The following TNK2 variants were observed in gnomAD, a reference collection of about 807,000 sequenced individuals.
TNK2 encodes activated CDC42 kinase 1.
Under a neutral mutation model 101.8 loss-of-function variants are expected in TNK2, and 83 were observed. The ratio of observed to expected loss-of-function variants is 0.82; its 90% confidence interval spans 0.68 to 0.98. TNK2 has a LOEUF of 0.98. TNK2 is among the 50% of genes least tolerant of loss of function. The probability of loss-of-function intolerance (pLI) is 0.00; values close to 1 mark genes in which losing one functional copy is unlikely to be tolerated. For missense variants in TNK2, 1,665 were observed against 1,483.2 expected, an observed-to-expected ratio of 1.12 and a Z score of -2.01; for synonymous variants, 804 against 633.0, an observed-to-expected ratio of 1.27 and a Z score of -4.06.
chr3:195,887,692 GAAGAT>G (rs532424455), intron 2 of TNK2, among the ~76,000 whole-genome samples: 69 of 152,338 alleles, frequency 4.5e-4, no homozygotes, highest in African/African-American at 9.1e-4. Flanking sequence ...GGAAAAATAT[GAAGAT>G]AAGGGTTGAA....
intron 2 of TNK2, among the ~76,000 whole-genome samples, chr3:195,887,921 C>T (rs28711904): frequency 1.1e-3 from 142 of 125,626 alleles, no homozygotes; most frequent in Non-Finnish European, 1.5e-3. Context: ...TGCATGCGTG[C>T]GTGCACGTGT....
At chr3:195,869,346 C>T (rs1322241664) in intron 12 of TNK2, 151 bp downstream of exon 12, 1 of 815,770 alleles carries the variant, frequency 1.2e-6, no homozygotes, top group Non-Finnish European at 2.0e-6. Context: ...GGGGGGCAGG[C>T]ATGCTAGGCC....
intron 1 of TNK2, among the ~76,000 whole-genome samples, chr3:195,901,300 G>A (rs1377322573): frequency 6.6e-6 from 1 of 152,208 alleles, no homozygotes; most frequent in Non-Finnish European, 1.5e-5. Context: ...GAGGGCAAAT[G>A]TTAGCGGAAG....
At position 195,878,508 on chromosome 3, in the gene TNK2, A is replaced by G; in HGVS notation, c.1099T>C (p.Cys367Arg). 1 of 1,613,888 alleles carries G rather than the reference A, an allele frequency of 6.2e-7. No individual in the cohort carries two copies. Among genetic ancestry groups the G allele is most frequent in the Non-Finnish European group, 8.5e-7 (1 of 1,180,044 alleles). ...CTGTCCTCTGGCTTGTGAGCCCAGC[A>G]CTGGACCATGACGTTGTAGATGTCC... The part of the protein sequence containing the change: ...PQDIYNVMVQ[C>R]WAHKPEDRPT... Residue 367 changes from cysteine (C) to arginine (R), a missense_variant, in exon 8 of 16, where the codon TGC becomes CGC. Coordinates refer to ENST00000672887, the MANE Select transcript of TNK2 (RefSeq NM_001382273.1). This position sits in a 1 kb window ranked among gnomAD's most constrained non-coding sequence, Gnocchi z 4.7.
At chr3:195,887,789 G>T (rs1287771524) in intron 2 of TNK2, among the ~76,000 whole-genome samples, 1 of 151,306 alleles carries the variant, frequency 6.6e-6, no homozygotes, top group African/African-American at 2.4e-5. Context: ...GCGCGTGTGT[G>T]TACATGTGTG....
chr3:195,868,707 G>A lies in TNK2; in HGVS notation c.1591C>T (p.Pro531Ser). 6.4e-7 allele frequency: 1 copy of A among 1,560,480 alleles called. No homozygotes were observed. The highest frequency in any genetic ancestry group is 8.6e-7 in the Non-Finnish European group (1 of 1,163,082). ...TCCTCGCTCACAGGGTCATAGGTTG[G>A]TTCTGTGATGGAAAGGGAGAGCCCA... ...PPQPAFFTQKPTYDPVSEDQD... is the reference protein window; with the variant it reads ...PPQPAFFTQKSTYDPVSEDQD... The change falls in exon 13 of 16, where the codon CCA becomes TCA. Residue 531 changes from proline (P) to serine (S), a missense_variant and splice_region_variant. This residue lies in a region of TNK2 where 1,136 missense variants were observed against 894.9 expected (regional missense o/e 1.27). Transcript: ENST00000672887.
At chr3:195,907,406 G>C (rs1761845175) in intron 1 of TNK2, among the ~76,000 whole-genome samples, 1 of 152,242 alleles carries the variant, frequency 6.6e-6, no homozygotes, top group African/African-American at 2.4e-5. Flanking sequence ...TCTGGTTCGG[G>C]ACAGGGGTCT....
Position 195,866,930 on chromosome 3 carries a change from G to T in TNK2, c.3120C>A (p.Ala1040=), listed in dbSNP as rs778680851. 1 of 1,612,468 alleles carries T rather than the reference G, an allele frequency of 6.2e-7. No individual in the cohort carries two copies. The highest frequency in any genetic ancestry group is 1.7e-5 in the Admixed American group (1 of 59,926). The change falls in exon 15 of 16, where the codon GCC becomes GCA. Residue 1040 remains alanine (A), a synonymous_variant. Transcript: ENST00000672887. ...LEMFDWNLEQ[A]GCHLLGSWGP... ...CCCAGGAGCCCAGAAGGTGGCAGCC[G>T]GCCTGCTCCAGGTTCCAGTCGAACA...
intron 15 of TNK2, among the ~76,000 whole-genome samples, chr3:195,864,490 T>G (rs1739233903): frequency 6.9e-6 from 1 of 144,638 alleles, no homozygotes; most frequent in South Asian, 2.3e-4. Flanking sequence ...TGACACGGAG[T>G]GCCTGCATCC....
chr3:195,870,085 G>T, intron 11 of TNK2, 29 bp downstream of exon 11: 1 of 1,443,188 alleles, frequency 6.9e-7, no homozygotes, highest in South Asian at 1.5e-5. Flanking sequence ...CGATGAGTTA[G>T]GGACACCAGG....
intron 11 of TNK2, chr3:195,869,789 G>A: frequency 1.7e-6 from 1 of 596,028 alleles, no homozygotes; most frequent in Non-Finnish European, 3.0e-6. Flanking sequence ...GAGCCGTGGG[G>A]TGGTTTTGGC....
At chr3:195,865,438 G>A (rs1376062750) in intron 15 of TNK2, among the ~76,000 whole-genome samples, 4 of 130,178 alleles carry the variant, frequency 3.1e-5, no homozygotes, top group East Asian at 2.4e-4. Context: ...AGAATGACCC[G>A]AGACAGGATG....
At chr3:195,884,675 T>C (rs1182666698) in intron 4 of TNK2, 137 bp downstream of exon 4, 1 of 741,044 alleles carries the variant, frequency 1.3e-6, no homozygotes, top group African/African-American at 1.8e-5. Context: ...ACCCCAAAAA[T>C]CCTGAGCACG....
intron 1 of TNK2, chr3:195,892,140 ACT>A (rs1408047024): frequency 1.8e-6 from 1 of 566,426 alleles, no homozygotes; most frequent in Non-Finnish European, 2.7e-6. Flanking sequence ...GAGTTCAAAC[ACT>A]CTCCAATTCT....
chr3:195,881,718 G>A (rs1753166599), intron 6 of TNK2, among the ~76,000 whole-genome samples: 2 of 134,062 alleles, frequency 1.5e-5, no homozygotes, highest in African/African-American at 2.9e-5. Flanking sequence ...CCTTGGAGAG[G>A]ACACAGGATC....
At position 195,867,276 on chromosome 3, in the gene TNK2, CA is replaced by C; in HGVS notation, c.2938-13del. ...ACCATGGCCTGCAGCTGGGCACACC[CA>C]CCCCTGTCAGCACCACTAGGGCCCA... On this transcript the variant is annotated splice_polypyrimidine_tract_variant and intron_variant, in intron 13 of 15. Coordinates refer to ENST00000672887, the MANE Select transcript of TNK2 (RefSeq NM_001382273.1). The C allele has an allele frequency of 6.2e-7, 1 of 1,608,922 alleles. No homozygotes were observed. Among genetic ancestry groups the C allele is most frequent in the South Asian group, 1.1e-5 (1 of 90,854 alleles).
chr3:195,872,727 C>A (rs1297741280), intron 9 of TNK2: 17 of 485,918 alleles, frequency 3.5e-5, no homozygotes, highest in East Asian at 2.2e-4. Flanking sequence ...AATAAGGAGG[C>A]ACGCTGGAAG....
At chr3:195,895,570 G>A in intron 1 of TNK2, 1 of 1,319,640 alleles carries the variant, frequency 7.6e-7, no homozygotes, top group East Asian at 3.1e-5. Context: ...CCGGGGCGCG[G>A]CTCCCACCCT....
At position 195,878,960 on chromosome 3, in the gene TNK2, G is replaced by A. The variant is rs752705749; in HGVS notation, c.1014+89C>T. On this transcript the variant is annotated intron_variant, in intron 7 of 15. Coordinates refer to ENST00000672887, the MANE Select transcript of TNK2 (RefSeq NM_001382273.1). The surrounding 1 kb of genome is among the most constrained non-coding windows in gnomAD (Gnocchi z 4.7). ...GGGCGTGGGAGGAGGGAGTCCATTG[G>A]TGAGAGGCAGTTCCAGCAGGGCCAG... 5.7e-6 allele frequency: 9 copies of A among 1,565,386 alleles called. No individual in the cohort carries two copies. In the Admixed American group the frequency reaches 1.0e-4, roughly 18 times the overall value.
Sources: gnomAD v4.1 joint callset for allele counts (sites outside exome capture counted in the v4.1 genomes callset) on GRCh38, gnomAD v4.1.1 for gene constraint, gnomAD v4.1.1 regional missense constraint, Gnocchi (gnomAD v3.1) non-coding constraint, MANE v1.5 for transcripts, NCBI Gene and HGNC (gene_info 2026-07-23, HGNC 2026-07-21) for gene names.